The following ITGA8 variants were observed in gnomAD, a reference collection of about 807,000 sequenced individuals.
ITGA8 encodes integrin subunit alpha 8, also known as integrin alpha-8.
In ITGA8, 91 loss-of-function variants were observed where a neutral mutation model predicts 142.3. The observed-to-expected ratio is 0.64, with a 90% confidence interval of 0.54 to 0.76. The LOEUF is 0.76. Among genes scored for constraint, ITGA8 ranks in the 30% least tolerant of loss-of-function variants. The pLI, the probability that ITGA8 is intolerant of heterozygous loss-of-function variation, is 0.00. For synonymous variants in ITGA8, 505 were observed against 485.2 expected (o/e 1.04, Z -0.54); for missense variants, 1,406 against 1,327.7 (o/e 1.06, Z -0.92).
At chr10:15,538,548 T>A (rs1588631842) in intron 27 of ITGA8, among the ~76,000 whole-genome samples, 2 of 146,920 alleles carry the variant, frequency 1.4e-5, no homozygotes, top group African/African-American at 5.0e-5. Context: ...TTAAGAAAAT[T>A]GGCGTTCTAT....
intron 27 of ITGA8, among the ~76,000 whole-genome samples, chr10:15,548,096 T>C (rs535002667): frequency 6.6e-6 from 1 of 150,648 alleles, no homozygotes; most frequent in Non-Finnish European, 1.5e-5. Context: ...ATTCAAGTTT[T>C]AATTTTTTTT....
chr10:15,705,823 T>C (rs1835247656), intron 2 of ITGA8, among the ~76,000 whole-genome samples: 1 of 152,228 alleles, frequency 6.6e-6, no homozygotes, highest in African/African-American at 2.4e-5. Context: ...ATTGGCTTCA[T>C]GGCTTTCTTT....
intron 3 of ITGA8, 70 bp downstream of exon 3, chr10:15,687,868 A>G (rs942361381): frequency 5.4e-6 from 5 of 921,664 alleles, no homozygotes; most frequent in Admixed American, 1.8e-5. Context: ...TTTCCTAAAC[A>G]TGAGCTTGAA....
At chr10:15,628,238 G>A (rs1210914501) in intron 13 of ITGA8, among the ~76,000 whole-genome samples, 3 of 150,942 alleles carry the variant, frequency 2.0e-5, no homozygotes, top group Non-Finnish European at 4.4e-5. Flanking sequence ...ATATGCTGCC[G>A]CTCTGCCTAT....
chr10:15,647,106 G>T, intron 11 of ITGA8, 55 bp from the exon 12 acceptor site: 2 of 1,370,814 alleles, frequency 1.5e-6, no homozygotes, highest in South Asian at 1.2e-5. Flanking sequence ...GAGTCACTTT[G>T]GGTTATTTGT....
chr10:15,593,839 ATTTTT>A (rs35907545), intron 21 of ITGA8, among the ~76,000 whole-genome samples: 40 of 137,284 alleles, frequency 2.9e-4, no homozygotes, highest in Admixed American at 5.7e-4. Context: ...CCCAGCAAAG[ATTTTT>A]TTTTTTTTTT....
chr10:15,707,838 A>T (rs900958444), intron 2 of ITGA8, among the ~76,000 whole-genome samples: 2 of 151,262 alleles, frequency 1.3e-5, no homozygotes, highest in African/African-American at 4.9e-5. Flanking sequence ...AAAAAAAAGG[A>T]AAGAAAAAGA....
At chr10:15,576,101 T>G (rs1296415833) in intron 23 of ITGA8, among the ~76,000 whole-genome samples, 1 of 152,126 alleles carries the variant, frequency 6.6e-6, no homozygotes, top group Admixed American at 6.6e-5. Flanking sequence ...GAAATATAGT[T>G]TCTTGTTGAA....
chr10:15,612,978 T>C (rs1406257548), intron 15 of ITGA8, among the ~76,000 whole-genome samples: 2 of 152,128 alleles, frequency 1.3e-5, no homozygotes, highest in Non-Finnish European at 2.9e-5. Context: ...CTGACTAACA[T>C]AGTGAAACCC....
At chr10:15,675,886 T>A (rs1349642497) in intron 6 of ITGA8, among the ~76,000 whole-genome samples, 26 of 152,200 alleles carry the variant, frequency 1.7e-4, no homozygotes. Flanking sequence ...CTCAGACAAA[T>A]GCTTGTATAT....
At chr10:15,717,232 C>T (rs935886195) in intron 2 of ITGA8, among the ~76,000 whole-genome samples, 4 of 152,150 alleles carry the variant, frequency 2.6e-5, no homozygotes, top group African/African-American at 9.7e-5. Flanking sequence ...CCATAAATTG[C>T]TTCTTGGTGA....
chr10:15,607,312 C>T (rs1016825610), intron 17 of ITGA8, among the ~76,000 whole-genome samples: 1 of 152,122 alleles, frequency 6.6e-6, no homozygotes, highest in South Asian at 2.1e-4. Flanking sequence ...GGCTCTGAAA[C>T]ATGCATTGAT....
At chr10:15,577,910 C>T (rs1834329775) in intron 23 of ITGA8, among the ~76,000 whole-genome samples, 2 of 152,142 alleles carry the variant, frequency 1.3e-5, no homozygotes, top group South Asian at 2.1e-4. Flanking sequence ...TAACAATAAA[C>T]ATGAGAAATG....
At chr10:15,659,773 CAGAG>C (rs750191793) in intron 9 of ITGA8, among the ~76,000 whole-genome samples, 23 of 152,118 alleles carry the variant, frequency 1.5e-4, no homozygotes, top group Non-Finnish European at 3.1e-4. Flanking sequence ...CACATGTAGA[CAGAG>C]AGGGCAGAAG....
chr10:15,718,858 T>A lies in ITGA8; in HGVS notation c.251A>T (p.Gln84Leu). ...GGCTCCCCCTTCCACGATATCGGGC[T>A]GGCTGGTGTTGGCTTTGGGCGCCCC... ...LVGAPKANTS[Q>L]PDIVEGGAVY... is the part of the protein sequence containing the mutation. Residue 84 changes from glutamine (Q) to leucine (L), a missense_variant, in exon 2 of 30, where the codon CAG becomes CTG. Coordinates refer to ENST00000378076, the MANE Select transcript of ITGA8 (RefSeq NM_003638.3). 2.5e-6 allele frequency: 4 copies of A among 1,614,130 alleles called. No homozygotes were observed. In the South Asian group the frequency reaches 4.4e-5, roughly 18 times the overall value.
intron 12 of ITGA8, among the ~76,000 whole-genome samples, chr10:15,645,092 CAAA>C (rs1168510743): frequency 3.3e-3 from 156 of 46,788 alleles, no homozygotes; most frequent in Non-Finnish European, 4.2e-3. Context: ...GACTCTGTCT[CAAA>C]AAAAAAAAAA....
chr10:15,608,239 T>G lies in ITGA8; in HGVS notation c.1605A>C (p.Thr535=). 6.3e-7 allele frequency: 1 copy of G among 1,594,796 alleles called. No individual in the cohort carries two copies. Among genetic ancestry groups the G allele is most frequent in the Admixed American group, 1.8e-5 (1 of 56,924 alleles). Residue 535 remains threonine, a synonymous_variant, in exon 16 of 30, where the codon ACA becomes ACC. Coordinates refer to ENST00000378076, the MANE Select transcript of ITGA8 (RefSeq NM_003638.3). Reference sequence around the variant, plus strand: ...TAAAAATGAAAACATGCTTACCTATTGTGTTTGCAATGCTCTGGCCTGTGA... The same window carrying G: ...TAAAAATGAAAACATGCTTACCTATGGTGTTTGCAATGCTCTGGCCTGTGA... The part of the protein sequence containing the change: ...ASVTGQSIAN[T]IVLMAEVQLD...
chr10:15,599,321 C>G (rs1189292938), intron 20 of ITGA8, among the ~76,000 whole-genome samples: 1 of 151,902 alleles, frequency 6.6e-6, no homozygotes, highest in African/African-American at 2.4e-5. Flanking sequence ...TGTTCTAATC[C>G]ATTTATAGCT....
chr10:15,710,575 G>A (rs1392588230), intron 2 of ITGA8, among the ~76,000 whole-genome samples: 1 of 152,232 alleles, frequency 6.6e-6, no homozygotes, highest in Admixed American at 6.5e-5. Flanking sequence ...GGAGGACATG[G>A]TGCAGGGTGT....
Sources: allele counts gnomAD v4.1 joint callset (sites outside exome capture counted in the v4.1 genomes callset), GRCh38; gene constraint gnomAD v4.1.1; transcripts MANE v1.5; gene names NCBI Gene and HGNC (gene_info 2026-07-23, HGNC 2026-07-21).